ZNF248: variants seen among roughly 807,000 people sequenced by gnomAD.
ZNF248 encodes KRAB protein domain.
Under a neutral mutation model 44.3 loss-of-function variants are expected in ZNF248, and 20 were observed. The ratio of observed to expected loss-of-function variants is 0.45; its 90% CI spans 0.32 to 0.66. ZNF248 has a LOEUF of 0.66. Among genes scored for constraint, ZNF248 ranks in the 30% least tolerant of loss-of-function variants. ZNF248 has a pLI of 0.04. For missense variants in ZNF248, 654 were observed against 677.0 expected, an observed-to-expected ratio of 0.97 and a Z score of 0.38; for synonymous variants, 224 against 229.0, an observed-to-expected ratio of 0.98 and a Z score of 0.20.
chr10:37,769,143 C>T, the ZNF248 span, among the ~76,000 whole-genome samples: 1 of 151,984 alleles, frequency 6.6e-6, no homozygotes, highest in African/African-American at 2.4e-5. Context: ...GCTTACCAAC[C>T]AAAAAAAGTC....
At chr10:37,825,668 T>C (rs2054263041), downstream of ZNF248, among the ~76,000 whole-genome samples, 1 of 152,060 alleles carries the variant, frequency 6.6e-6, no homozygotes, top group Non-Finnish European at 1.5e-5. Context: ...CCTGAACTCC[T>C]AGGCTCAAGC....
At chr10:37,805,117 G>A (rs2050376242) in intron 6 of ZNF248, among the ~76,000 whole-genome samples, 1 of 152,194 alleles carries the variant, frequency 6.6e-6, no homozygotes, top group African/African-American at 2.4e-5. Flanking sequence ...AGATGTCGGA[G>A]AGTGGTAGAA....
At position 37,856,509 on chromosome 10, in the gene ZNF248, AT is replaced by A; in HGVS notation, c.-103del. The A allele has an allele frequency of 8.1e-7, 1 of 1,231,460 alleles. No homozygotes were observed. Among genetic ancestry groups the A allele is most frequent in the Non-Finnish European group, 1.0e-6 (1 of 985,000 alleles). 76.3% of individuals were successfully genotyped at this position (1,231,460 alleles called of 1,614,324 possible). Reference sequence around the variant, plus strand: ...CACTGAGTGAATGTAAATATTTCTTATTGATTTATTACCAATTTAGGTTCTG... The same window carrying A: ...CACTGAGTGAATGTAAATATTTCTTATGATTTATTACCAATTTAGGTTCTG... On this transcript the variant is annotated 5_prime_UTR_variant, in exon 2 of 6. Coordinates refer to ENST00000395867, the MANE Select transcript of ZNF248 (RefSeq NM_021045.3).
chr10:37,823,599 A>T (rs1224007212), intron 6 of ZNF248, among the ~76,000 whole-genome samples: 1 of 151,960 alleles, frequency 6.6e-6, no homozygotes, highest in African/African-American at 2.4e-5. Flanking sequence ...TTTGAGACAG[A>T]GTCTCGCTCT....
chr10:37,795,662 G>A (rs532711523), intron 6 of ZNF248: 1 of 152,080 alleles, frequency 6.6e-6, no homozygotes, highest in Admixed American at 6.6e-5. Context: ...AATTTCAGTA[G>A]ATGTTTCCTC....
At chr10:37,779,735 G>C (rs1457797016) in intron 6 of ZNF248, among the ~76,000 whole-genome samples, 1 of 150,948 alleles carries the variant, frequency 6.6e-6, no homozygotes, top group East Asian at 1.9e-4. Flanking sequence ...GTCCCTGTTT[G>C]CAGACGACAT....
chr10:37,837,734 G>A, intron 4 of ZNF248, 22 bp from the exon 5 acceptor site: 1 of 1,605,618 alleles, frequency 6.2e-7, no homozygotes, highest in Non-Finnish European at 8.5e-7. Context: ...AAATACCACA[G>A]GACTAGAGCT....
intron 3 of ZNF248, among the ~76,000 whole-genome samples, chr10:37,850,438 C>T (rs1027394988): frequency 6.6e-6 from 1 of 152,138 alleles, no homozygotes; most frequent in African/African-American, 2.4e-5. Flanking sequence ...TAAGCACAGA[C>T]AAGCTTATTC....
chr10:37,831,007 T>TTTAA lies in ZNF248; in HGVS notation c.*604_*607dup, dbSNP rs1426971239. The TTTAA allele has an allele frequency of 3.2e-5, 27 of 842,230 alleles. No individual in the cohort carries two copies. Among genetic ancestry groups the TTTAA allele is most frequent in the Admixed American group, 8.9e-5 (2 of 22,566 alleles). The allele number at this position is 842,230 out of a possible 1,614,324, so 52.2% of individuals were successfully genotyped here. ...GAGGTTATACTAGCACATCACTATA[T>TTTAA]TTAAGTATGTGTGTAGAAATATATT... On this transcript the variant is annotated 3_prime_UTR_variant, in exon 6 of 6. Coordinates refer to ENST00000395867, the MANE Select transcript of ZNF248 (RefSeq NM_021045.3).
Position 37,831,422 on chromosome 10 carries a change from C to G in ZNF248, c.*193G>C. The G allele has an allele frequency of 6.6e-7, 1 of 1,506,772 alleles. No homozygotes were observed. Among genetic ancestry groups the G allele is most frequent in the Non-Finnish European group, 8.9e-7 (1 of 1,128,036 alleles). 93.3% of individuals were successfully genotyped at this position (1,506,772 alleles called of 1,614,324 possible). On this transcript the variant is annotated 3_prime_UTR_variant, in exon 6 of 6. Coordinates refer to ENST00000395867, the MANE Select transcript of ZNF248 (RefSeq NM_021045.3). ...CATAAATTCCAGATAAATATTTTCA[C>G]CATATTACTTAGATGAATAGAATTC...
At chr10:37,838,172 A>G (rs2057621143) in intron 3 of ZNF248, 61 bp from the exon 4 acceptor site, 1 of 1,502,922 alleles carries the variant, frequency 6.7e-7, no homozygotes, top group African/African-American at 1.4e-5. Context: ...GAAAAGATTT[A>G]AGAGAACTAA....
chr10:37,828,148 G>A (rs2054683218), downstream of ZNF248, among the ~76,000 whole-genome samples: 1 of 152,118 alleles, frequency 6.6e-6, no homozygotes, highest in East Asian at 1.9e-4. Context: ...AGGTAATTAG[G>A]GTAAGGGTCT....
the ZNF248 span, among the ~76,000 whole-genome samples, chr10:37,761,009 A>G: frequency 6.6e-6 from 1 of 152,358 alleles, no homozygotes; most frequent in African/African-American, 2.4e-5. Context: ...CCTTTAGGGC[A>G]TCTAGAAGAA....
exon 7 of ZNF248, chr10:37,776,534 A>G (rs966757574): frequency 2.5e-6 from 1 of 398,314 alleles, no homozygotes; most frequent in Non-Finnish European, 4.4e-6. Context: ...CCTTCTTCTT[A>G]CTTCACAAGA....
intron 6 of ZNF248, among the ~76,000 whole-genome samples, chr10:37,814,736 T>A (rs1451128332): frequency 1.3e-5 from 2 of 152,270 alleles, no homozygotes; most frequent in African/African-American, 4.8e-5. Context: ...CAAGATCTGA[T>A]AAGAAATCTG....
chr10:37,805,315 C>T (rs1324040497), intron 6 of ZNF248, among the ~76,000 whole-genome samples: 2 of 152,090 alleles, frequency 1.3e-5, no homozygotes, highest in Non-Finnish European at 2.9e-5. Context: ...ATAAATGATG[C>T]TGGTACAATT....
chr10:37,783,645 A>T (rs2047560656), intron 6 of ZNF248, among the ~76,000 whole-genome samples: 1 of 152,234 alleles, frequency 6.6e-6, no homozygotes, highest in South Asian at 2.1e-4. Flanking sequence ...GGATGGGTTG[A>T]CATTAGGTGG....
chr10:37,793,001 G>A (rs886516814), intron 6 of ZNF248, among the ~76,000 whole-genome samples: 2 of 152,118 alleles, frequency 1.3e-5, no homozygotes, highest in Non-Finnish European at 2.9e-5. Flanking sequence ...TGGGTGAAAG[G>A]TGTACGAGAA....
intron 6 of ZNF248, among the ~76,000 whole-genome samples, chr10:37,813,019 C>CA (rs1269928346): frequency 2.1e-4 from 25 of 117,140 alleles, no homozygotes; most frequent in African/African-American, 8.2e-4. Flanking sequence ...GTGGATATGG[C>CA]AAAAAGAAAA....
Sources: allele counts gnomAD v4.1 joint callset (sites outside exome capture counted in the v4.1 genomes callset), GRCh38; gene constraint gnomAD v4.1.1; transcripts MANE v1.5; gene names NCBI Gene and HGNC (gene_info 2026-07-23, HGNC 2026-07-21).